Variants in SRPK2 observed in about 807,000 individuals in gnomAD.
SRPK2 encodes the protein SRSF protein kinase 2, also known as SFRS protein kinase 2.
A neutral mutation model predicts 90.8 loss-of-function variants in SRPK2; 21 were observed. That is an observed-to-expected ratio of 0.23 (90% CI 0.16 to 0.33). The LOEUF is 0.33. Among genes scored for constraint, SRPK2 ranks in the 10% least tolerant of loss-of-function variants. SRPK2 has a pLI of 1.00. For missense variants in SRPK2, 620 were observed against 869.0 expected, an observed-to-expected ratio of 0.71 and a Z score of 3.60; for synonymous variants, 288 against 311.1, an observed-to-expected ratio of 0.93 and a Z score of 0.78.
chr7:105,301,922 A>T, intron 2 of SRPK2: 1 of 1,609,034 alleles, frequency 6.2e-7, no homozygotes, highest in South Asian at 1.1e-5. Flanking sequence ...AACTCCTAAT[A>T]CAGCCCCATC....
At chr7:105,164,665 T>G (rs2129584478) in intron 6 of SRPK2, among the ~76,000 whole-genome samples, 1 of 152,360 alleles carries the variant, frequency 6.6e-6, no homozygotes, top group South Asian at 2.1e-4. Context: ...ATCTAGTTTT[T>G]CTATGAACAT....
intron 2 of SRPK2, among the ~76,000 whole-genome samples, chr7:105,328,561 C>CA (rs1192103331): frequency 0.29 from 13,756 of 47,156 alleles, 2,651 homozygotes; most frequent in Middle Eastern, 0.36. Context: ...GGCTCTGTCT[C>CA]AAAAAAAAAA....
At chr7:105,213,455 G>C (rs1797090824) in intron 2 of SRPK2, among the ~76,000 whole-genome samples, 1 of 152,148 alleles carries the variant, frequency 6.6e-6, no homozygotes, top group Non-Finnish European at 1.5e-5. Flanking sequence ...AAGAGTGCTG[G>C]GGAGAAACTG....
intron 3 of SRPK2, among the ~76,000 whole-genome samples, chr7:105,199,960 A>G (rs1041781147): frequency 6.6e-6 from 1 of 152,052 alleles, no homozygotes; most frequent in African/African-American, 2.4e-5. Context: ...CTGGGATAGG[A>G]AAAACACAAG....
intron 1 of SRPK2, among the ~76,000 whole-genome samples, chr7:105,395,895 G>A (rs965084724): frequency 9.2e-5 from 14 of 152,002 alleles, no homozygotes; most frequent in African/African-American, 2.9e-4. Context: ...ATACTATAGT[G>A]ATGTTTTTTA....
chr7:105,350,659 G>C (rs1185845329), intron 2 of SRPK2, among the ~76,000 whole-genome samples: 1 of 151,318 alleles, frequency 6.6e-6, no homozygotes, highest in Non-Finnish European at 1.5e-5. Flanking sequence ...CAGGTAGCTA[G>C]AACTACAGGC....
At chr7:105,395,117 G>T (rs1822287128) in intron 1 of SRPK2, among the ~76,000 whole-genome samples, 1 of 152,156 alleles carries the variant, frequency 6.6e-6, no homozygotes, top group Non-Finnish European at 1.5e-5. Flanking sequence ...AGGTTGTAGT[G>T]AGCCAAGATC....
At chr7:105,212,329 G>A (rs1206651877) in intron 2 of SRPK2, among the ~76,000 whole-genome samples, 1 of 152,166 alleles carries the variant, frequency 6.6e-6, no homozygotes, top group Non-Finnish European at 1.5e-5. Flanking sequence ...GTGAGGAGGG[G>A]AAAGTGCATG....
chr7:105,331,308 C>CGAAAAA (rs1814311283), intron 2 of SRPK2, among the ~76,000 whole-genome samples: 1 of 45,108 alleles, frequency 2.2e-5, no homozygotes, highest in Non-Finnish European at 3.8e-5. Flanking sequence ...GACTCCGTCT[C>CGAAAAA]AAAAAAAAAA....
intron 2 of SRPK2, among the ~76,000 whole-genome samples, chr7:105,281,264 T>G (rs532397264): frequency 6.6e-6 from 1 of 151,924 alleles, no homozygotes; most frequent in East Asian, 2.0e-4. Context: ...GCCCAGCTAA[T>G]TTTTGTATTT....
intron 2 of SRPK2, among the ~76,000 whole-genome samples, chr7:105,348,360 C>A (rs34154773): frequency 6.6e-6 from 1 of 151,282 alleles, no homozygotes; most frequent in South Asian, 2.1e-4. Flanking sequence ...TGTGAGTCAC[C>A]GCGCACAGCA....
intron 2 of SRPK2, among the ~76,000 whole-genome samples, chr7:105,287,247 C>G (rs1370731509): frequency 2.0e-5 from 2 of 100,928 alleles, no homozygotes; most frequent in African/African-American, 8.1e-5. Context: ...GGCGACAGAG[C>G]GAGACTCCGT....
At chr7:105,289,100 C>CAAA (rs57131530) in intron 2 of SRPK2, among the ~76,000 whole-genome samples, 231 of 85,458 alleles carry the variant, frequency 2.7e-3, no homozygotes, top group Non-Finnish European at 3.4e-3. Context: ...ACTTAAAGCA[C>CAAA]AAAAAAAAAA....
intron 2 of SRPK2, among the ~76,000 whole-genome samples, chr7:105,353,597 C>G (rs924940608): frequency 1.3e-5 from 2 of 152,096 alleles, no homozygotes; most frequent in Admixed American, 6.6e-5. Context: ...AACTCCTGAG[C>G]TCAAATGATC....
chr7:105,122,233 G>A (rs1343312439), intron 15 of SRPK2, among the ~76,000 whole-genome samples: 2 of 152,152 alleles, frequency 1.3e-5, no homozygotes, highest in Non-Finnish European at 2.9e-5. Context: ...CCTTGAAGTA[G>A]GCAATGATTT....
intron 2 of SRPK2, among the ~76,000 whole-genome samples, chr7:105,258,053 G>A (rs1204368948): frequency 2.0e-5 from 3 of 151,592 alleles, no homozygotes; most frequent in Non-Finnish European, 4.4e-5. Flanking sequence ...GCAGTGAGCC[G>A]AGATCGTGCC....
chr7:105,120,427 CAATAT>C (rs779764150), intron 15 of SRPK2, among the ~76,000 whole-genome samples: 40 of 152,056 alleles, frequency 2.6e-4, no homozygotes, highest in Non-Finnish European at 4.6e-4. Context: ...GTGAGCAAAA[CAATAT>C]AATAGTGAAA....
intron 3 of SRPK2, among the ~76,000 whole-genome samples, chr7:105,195,942 G>A (rs1436347345): frequency 6.6e-6 from 1 of 152,180 alleles, no homozygotes; most frequent in Non-Finnish European, 1.5e-5. Context: ...AGTCTAAGAG[G>A]CCATAATCTA....
intron 15 of SRPK2, among the ~76,000 whole-genome samples, chr7:105,118,414 T>G (rs1486060215): frequency 6.6e-6 from 1 of 152,156 alleles, no homozygotes; most frequent in Non-Finnish European, 1.5e-5. Context: ...ACCATTCATG[T>G]CTACGCATTT....
Sources: allele counts gnomAD v4.1 joint callset (sites outside exome capture counted in the v4.1 genomes callset), GRCh38; gene constraint gnomAD v4.1.1; transcripts MANE v1.5; gene names NCBI Gene and HGNC (gene_info 2026-07-23, HGNC 2026-07-21).